The following ADAMTS9 variants were observed in gnomAD, a reference collection of about 807,000 sequenced individuals.
ADAMTS9 encodes the protein ADAM metallopeptidase with thrombospondin type 1 motif 9.
Under a neutral mutation model 257.1 loss-of-function variants are expected in ADAMTS9, and 107 were observed. The ratio of observed to expected loss-of-function variants is 0.42; its 90% CI spans 0.36 to 0.49. The LOEUF (loss-of-function observed/expected upper bound fraction) is 0.49. Ranked by LOEUF, ADAMTS9 falls within the 20% of genes least tolerant of loss-of-function variation. ADAMTS9 has a pLI of 0.03. For synonymous variants in ADAMTS9, 982 were observed against 880.9 expected, an observed-to-expected ratio of 1.11 and a Z score of -2.03; for missense variants, 2,353 against 2,469.1, an observed-to-expected ratio of 0.95 and a Z score of 1.00.
intron 3 of ADAMTS9, among the ~76,000 whole-genome samples, chr3:64,659,526 A>G (rs1701174319): frequency 6.6e-6 from 1 of 152,002 alleles, no homozygotes; most frequent in African/African-American, 2.4e-5. Flanking sequence ...CCTGCTATTC[A>G]ATGAGTTCTA....
At chr3:64,619,773 C>T (rs1700059722) in intron 19 of ADAMTS9, among the ~76,000 whole-genome samples, 1 of 152,114 alleles carries the variant, frequency 6.6e-6, no homozygotes, top group Non-Finnish European at 1.5e-5. Context: ...TAAGGCTACC[C>T]AGAAAATGTC....
rs555275805 is a variant in ADAMTS9 at position 64,534,758 on chromosome 3, T to A, written c.5614-1488A>T. Among the ~76,000 whole-genome samples the A allele has an allele frequency of 4.9e-5, 5 of 102,862 alleles. No homozygotes were observed. In the South Asian group the frequency reaches 2.2e-3, roughly 45 times the overall value. 67.5% of individuals were successfully genotyped at this position (102,862 alleles called of 152,430 possible). ...GAAATCTGGCAATGTCTGGAAACATTTTTGTTTGTCACAACTGTGGGGGGG... is the reference window on the plus strand; with the variant it reads ...GAAATCTGGCAATGTCTGGAAACATATTTGTTTGTCACAACTGTGGGGGGG... On this transcript the variant is annotated intron_variant, in intron 37 of 39. Coordinates refer to ENST00000498707, the MANE Select transcript of ADAMTS9 (RefSeq NM_182920.2).
chr3:64,619,580 T>C (rs1181320829), intron 19 of ADAMTS9, among the ~76,000 whole-genome samples: 2 of 152,206 alleles, frequency 1.3e-5, no homozygotes, highest in South Asian at 4.1e-4. Context: ...GTTTGAAGAA[T>C]TAGTAGGGTA....
chr3:64,642,101 T>C, intron 11 of ADAMTS9, 108 bp from the exon 12 acceptor site: 1 of 1,265,466 alleles, frequency 7.9e-7, no homozygotes, highest in African/African-American at 1.5e-5. Flanking sequence ...ATGTGTGGGT[T>C]TGAAATGCTG....
intron 39 of ADAMTS9, among the ~76,000 whole-genome samples, chr3:64,520,771 C>G (rs1430501943): frequency 6.6e-6 from 1 of 152,146 alleles, no homozygotes; most frequent in Non-Finnish European, 1.5e-5. Flanking sequence ...TGAACTCTTA[C>G]CTCTTACCAT....
intron 11 of ADAMTS9, among the ~76,000 whole-genome samples, chr3:64,643,757 A>C (rs1700718811): frequency 6.6e-6 from 1 of 150,826 alleles, no homozygotes; most frequent in African/African-American, 2.4e-5. Context: ...GAGCCAACAC[A>C]CCTGGCCTAC....
intron 10 of ADAMTS9, 138 bp from the exon 11 acceptor site, chr3:64,648,182 T>C: frequency 1.3e-6 from 1 of 759,200 alleles, no homozygotes; most frequent in Non-Finnish European, 2.1e-6. Context: ...CTTGGTATGA[T>C]AAATGCTAAA....
rs1294101434 is a variant in ADAMTS9, at chr3:64,648,009, A to C, written c.1641T>G (p.Asn547Lys). The change falls in exon 11 of 40, where the codon AAT becomes AAG. Residue 547 changes from asparagine (N) to lysine (K), a missense_variant. By Grantham distance (94) the Asn-to-Lys change is moderately conservative. This residue lies in a region of ADAMTS9 where 360 missense variants were observed against 458.1 expected (regional missense o/e 0.79). Transcript: ENST00000498707. ...GAGTCCGGCAGCCTTTGTGTACTCC[A>C]TTGACGTTATTGCACCAGAGCCGTC... ...QCRRLWCNNV[N>K]GVHKGCRTQH... is the part of the protein sequence containing the mutation. 54 of 1,613,342 alleles carry C rather than the reference A, an allele frequency of 3.3e-5. No homozygotes were observed. Among genetic ancestry groups the C allele is most frequent in the Non-Finnish European group, 4.3e-5 (51 of 1,179,970 alleles).
At chr3:64,637,647 TA>T (rs1188484856) in intron 12 of ADAMTS9, among the ~76,000 whole-genome samples, 1 of 152,178 alleles carries the variant, frequency 6.6e-6, no homozygotes, top group African/African-American at 2.4e-5. Flanking sequence ...TACGATGAAT[TA>T]GGGTAGTCAG....
intron 12 of ADAMTS9, among the ~76,000 whole-genome samples, chr3:64,634,777 C>T (rs937192191): frequency 1.3e-5 from 2 of 152,176 alleles, no homozygotes. Context: ...ACTGAAAGGA[C>T]ATTTTTCACC....
At chr3:64,623,772 T>C (rs767940280) in intron 16 of ADAMTS9, among the ~76,000 whole-genome samples, 2 of 152,156 alleles carry the variant, frequency 1.3e-5, no homozygotes, top group African/African-American at 2.4e-5. Flanking sequence ...GTAAGACCCA[T>C]GATGGTAAGA....
intron 3 of ADAMTS9, among the ~76,000 whole-genome samples, chr3:64,672,464 T>C (rs976163676): frequency 6.6e-6 from 1 of 152,136 alleles, no homozygotes; most frequent in Non-Finnish European, 1.5e-5. Context: ...AGATGAACCA[T>C]TTGAGGCCAG....
chr3:64,585,851 T>A (rs2084135232), intron 28 of ADAMTS9, among the ~76,000 whole-genome samples: 1 of 152,152 alleles, frequency 6.6e-6, no homozygotes, highest in Non-Finnish European at 1.5e-5. Flanking sequence ...TTGAGACAAT[T>A]TTCTTATATT....
chr3:64,533,892 C>T lies in ADAMTS9; in HGVS notation c.5614-622G>A, dbSNP rs576793180. On this transcript the variant is annotated intron_variant, in intron 37 of 39. Transcript: ENST00000498707. ...GGAGATCTCCCAAACCCCTCCCCTC[C>T]GAGGGTGCCTTTCAGAACATGGCCT... Among the ~76,000 whole-genome samples the T allele has an allele frequency of 8.9e-4, 136 of 152,320 alleles. 1 individual carries two copies. The highest frequency in any genetic ancestry group is 3.2e-3 in the African/African-American group (134 of 41,568).
At chr3:64,543,770 C>A (rs2083159998) in intron 32 of ADAMTS9, among the ~76,000 whole-genome samples, 2 of 152,098 alleles carry the variant, frequency 1.3e-5, no homozygotes, top group South Asian at 4.1e-4. Flanking sequence ...CTGGCCAGGG[C>A]AATCAGGCAG....
chr3:64,615,994 T>G lies in ADAMTS9; in HGVS notation c.2990A>C (p.Asn997Thr). Reference protein sequence around the residue: ...SNREKCSGECNTGGWRYSAWT... With the variant: ...SNREKCSGECTTGGWRYSAWT... ...GGCAGAATAGCGCCAGCCACCCGTGTTACATTCCCCTGAGCATTTTTCACG... is the reference window on the plus strand; with the variant it reads ...GGCAGAATAGCGCCAGCCACCCGTGGTACATTCCCCTGAGCATTTTTCACG... The change falls in exon 20 of 40, where the codon AAC becomes ACC. Residue 997 changes from asparagine (N) to threonine (T), a missense_variant. By Grantham distance (65) the Asn-to-Thr change is moderately conservative (BLOSUM62 0). This residue lies in a region of ADAMTS9 where 1,402 missense variants were observed against 1,441.4 expected (regional missense o/e 0.97). Coordinates refer to ENST00000498707, the MANE Select transcript of ADAMTS9 (RefSeq NM_182920.2). 6.2e-7 allele frequency: 1 copy of G among 1,613,806 alleles called. No homozygotes were observed. The highest frequency in any genetic ancestry group is 1.7e-5 in the Admixed American group (1 of 60,014).
chr3:64,535,954 C>T (rs1343530647), intron 37 of ADAMTS9, among the ~76,000 whole-genome samples: 1 of 152,106 alleles, frequency 6.6e-6, no homozygotes, highest in African/African-American at 2.4e-5. Context: ...CCTCTTTTCT[C>T]CCTCCATTCT....
chr3:64,552,457 C>T (rs1388302095), intron 30 of ADAMTS9, among the ~76,000 whole-genome samples: 1 of 152,120 alleles, frequency 6.6e-6, no homozygotes, highest in Non-Finnish European at 1.5e-5. Flanking sequence ...AAACCTGTAC[C>T]AAGGACTGCT....
chr3:64,648,000 G>A lies in ADAMTS9; in HGVS notation c.1650C>T (p.His550=). ...RLWCNNVNGV[H]KGCRTQHTPW... ...GTGTGTGCTGAGTCCGGCAGCCTTT[G>A]TGTACTCCATTGACGTTATTGCACC... Residue 550 remains histidine, a synonymous_variant, in exon 11 of 40, where the codon CAC becomes CAT. Coordinates refer to ENST00000498707, the MANE Select transcript of ADAMTS9 (RefSeq NM_182920.2). 1 of 1,613,670 alleles carries A rather than the reference G, an allele frequency of 6.2e-7. No homozygotes were observed.
Sources: allele counts gnomAD v4.1 joint callset (sites outside exome capture counted in the v4.1 genomes callset), GRCh38; gene constraint gnomAD v4.1.1; regional missense constraint gnomAD v4.1.1; transcripts MANE v1.5; gene names NCBI Gene and HGNC (gene_info 2026-07-23, HGNC 2026-07-21).